Variants in ZNF668 observed in about 807,000 individuals in gnomAD.
ZNF668 encodes zinc finger protein 668.
In ZNF668, 10 loss-of-function variants were observed where a neutral mutation model predicts 40.3. That is an observed-to-expected ratio of 0.25 (90% CI 0.15 to 0.42). The LOEUF (loss-of-function observed/expected upper bound fraction) is 0.42, where lower values mean the gene tolerates loss of function less well. Among genes scored for constraint, ZNF668 ranks in the 10% least tolerant of loss-of-function variants. The pLI, the probability that ZNF668 is intolerant of heterozygous loss-of-function variation, is 1.00. For missense variants in ZNF668, 749 were observed against 904.6 expected (o/e 0.83, Z 2.21); for synonymous variants, 428 against 384.6 (o/e 1.11, Z -1.32).
chr16:31,063,555 CGCCCCCTTTCCA>C (rs2056952761), intron 2 of ZNF668, among the ~76,000 whole-genome samples: 1 of 152,196 alleles, frequency 6.6e-6, no homozygotes, highest in African/African-American at 2.4e-5. Flanking sequence ...CTCCAAACCC[CGCCCCCTTTCCA>C]GCTGGCCTAC....
Position 31,061,135 on chromosome 16 carries a change from A to G in ZNF668, c.1793T>C (p.Met598Thr), listed in dbSNP as rs755052925. 2 of 1,510,866 alleles carry G rather than the reference A, an allele frequency of 1.3e-6. No homozygotes were observed. The highest frequency in any genetic ancestry group is 2.3e-5 in the Admixed American group (1 of 42,862). The allele number at this position is 1,510,866 out of a possible 1,614,324, so 93.6% of individuals were successfully genotyped here. The stretch of plus-strand genomic sequence containing the variant: ...GGGCTCCAGGGGTGTGGGGGTCCCC[A>G]TGGGCACAGGGTGGGTGCGTTCATG... Reference protein sequence around the residue: ...RKHERTHPVPMGTPTPLEPLV... With the variant: ...RKHERTHPVPTGTPTPLEPLV... The change falls in exon 3 of 3, where the codon ATG becomes ACG. Residue 598 changes from methionine to threonine, a missense_variant. Met to Thr is a moderately conservative substitution (Grantham distance 81, BLOSUM62 -1). This residue lies in a region of ZNF668 where 310 missense variants were observed against 355.1 expected (regional missense o/e 0.87). Transcript: ENST00000300849. This position sits in a 1 kb window ranked among gnomAD's most constrained non-coding sequence, Gnocchi z 7.7.
intron 1 of ZNF668, among the ~76,000 whole-genome samples, chr16:31,072,025 C>A (rs2057018622): frequency 6.6e-6 from 1 of 152,160 alleles, no homozygotes; most frequent in African/African-American, 2.4e-5. Context: ...TGGCCCTGGT[C>A]CAGTAGGATT....
intron 1 of ZNF668, among the ~76,000 whole-genome samples, chr16:31,068,027 T>C (rs1012418227): frequency 1.3e-5 from 2 of 151,526 alleles, no homozygotes; most frequent in African/African-American, 4.9e-5. Flanking sequence ...CTCTGGCCCT[T>C]CTACTGCCTC....
At chr16:31,068,758 C>T (rs1350276907) in intron 1 of ZNF668, 2 of 151,740 alleles carry the variant, frequency 1.3e-5, no homozygotes, top group Non-Finnish European at 2.9e-5. Flanking sequence ...AGGCATGCAC[C>T]ATCATGCCTG....
chr16:31,065,969 T>C (rs568125041), intron 1 of ZNF668: 4 of 966,056 alleles, frequency 4.1e-6, no homozygotes, highest in African/African-American at 1.8e-5. Context: ...ACGAGGGTGC[T>C]AGGGGAAATA....
chr16:31,061,681 C>A lies in ZNF668; in HGVS notation c.1247G>T (p.Ser416Ile). 6.2e-7 allele frequency: 1 copy of A among 1,613,534 alleles called. No homozygotes were observed. Among genetic ancestry groups the A allele is most frequent in the Non-Finnish European group, 8.5e-7 (1 of 1,179,910 alleles). ...AGGGGGCACACCCGCGGCCTCACTG[C>A]TTCGATGGGTCCGCTCGTGCTTCCT... ...SLRKHERTHR[S>I]SEAAGVPPAQ... is the part of the protein sequence containing the mutation. Residue 416 changes from serine to isoleucine, a missense_variant, in exon 3 of 3, where the codon AGC (serine) becomes ATC (isoleucine). Ser to Ile is a moderately radical substitution (Grantham distance 142). Coordinates refer to ENST00000300849, the MANE Select transcript of ZNF668 (RefSeq NM_024706.5). This position sits in a 1 kb window ranked among gnomAD's most constrained non-coding sequence, Gnocchi z 7.7.
At chr16:31,063,702 C>T in intron 2 of ZNF668, 111 bp downstream of exon 2, 3 of 1,252,862 alleles carry the variant, frequency 2.4e-6, no homozygotes. Context: ...TCTGCCATGC[C>T]CACCTTCCCA....
Position 31,063,992 on chromosome 16 carries a change from C to T in ZNF668, c.468G>A (p.Lys156=). 6.2e-7 allele frequency: 1 copy of T among 1,610,612 alleles called. No homozygotes were observed. Among genetic ancestry groups the T allele is most frequent in the African/African-American group, 1.3e-5 (1 of 75,022 alleles). Residue 156 remains lysine (K), a synonymous_variant, in exon 2 of 3, where the codon AAG becomes AAA. Coordinates refer to ENST00000300849, the MANE Select transcript of ZNF668 (RefSeq NM_024706.5). The part of the protein sequence containing the change: ...PKAYGALSKL[K]IHQRGHTGER... ...CGCCTGTGTGGCCACGCTGGTGGAT[C>T]TTGAGCTTGGAGAGCGCGCCATAGG...
At chr16:31,066,064 C>T (rs540092193) in intron 1 of ZNF668, 31 of 985,368 alleles carry the variant, frequency 3.1e-5, no homozygotes, top group South Asian at 1.4e-4. Context: ...GAGCCCCTGA[C>T]GCGTGGCAAG....
intron 1 of ZNF668, among the ~76,000 whole-genome samples, chr16:31,071,993 G>C (rs1297602939): frequency 1.3e-5 from 2 of 152,124 alleles, no homozygotes; most frequent in Non-Finnish European, 2.9e-5. Flanking sequence ...AGTAATTAAG[G>C]CTGAATGACG....
At chr16:31,066,031 T>C (rs2056979489) in intron 1 of ZNF668, 1 of 985,368 alleles carries the variant, frequency 1.0e-6, no homozygotes, top group East Asian at 1.1e-4. Flanking sequence ...GCAGCTTACC[T>C]GGTTGACCCA....
chr16:31,061,881 C>T lies in ZNF668; in HGVS notation c.1047G>A (p.Trp349Ter). ...LQCDKTFVAS[W>*]DLKRHALVHS... ...GCACCAGCGCGTGCCGCTTGAGGTC[C>T]CAGGACGCCACGAACGTCTTGTCAC... The change falls in exon 3 of 3, where the codon TGG (tryptophan) becomes TGA (stop). Residue 349 changes from tryptophan (W) to a stop codon, truncating the protein, a stop_gained. Coordinates refer to ENST00000300849, the MANE Select transcript of ZNF668 (RefSeq NM_024706.5). LOFTEE classifies it high-confidence loss of function. This position sits in a 1 kb window ranked among gnomAD's most constrained non-coding sequence, Gnocchi z 7.7. 1 of 1,612,928 alleles carries T rather than the reference C, an allele frequency of 6.2e-7. No homozygotes were observed. Among genetic ancestry groups the T allele is most frequent in the African/African-American group, 1.3e-5 (1 of 75,038 alleles).
chr16:31,067,635 C>T (rs2056987935), intron 1 of ZNF668, among the ~76,000 whole-genome samples: 1 of 152,170 alleles, frequency 6.6e-6, no homozygotes, highest in Non-Finnish European at 1.5e-5. Flanking sequence ...TTCTTAGAGC[C>T]AGACACATTG....
rs2056956315 is a variant in ZNF668, at chr16:31,063,805, A to ACCCTCACC, written c.647_647+7dup. The ACCCTCACC allele has an allele frequency of 6.4e-7, 1 of 1,552,182 alleles. No individual in the cohort carries two copies. The highest frequency in any genetic ancestry group is 8.7e-7 in the Non-Finnish European group (1 of 1,145,160). ...CGGAAGGCGCCCTGCCCCGGAAGGC[A>ACCCTCACC]CCCTCACCGCTCATGGTTGCGGAGG... On this transcript the variant is annotated splice_region_variant and intron_variant, in intron 2 of 2. Coordinates refer to ENST00000300849, the MANE Select transcript of ZNF668 (RefSeq NM_024706.5).
intron 1 of ZNF668, among the ~76,000 whole-genome samples, chr16:31,069,575 CCT>C (rs139184262): frequency 0.16 from 24,819 of 151,870 alleles, 2,506 homozygotes; most frequent in Non-Finnish European, 0.23. Context: ...CAAATTTTTT[CCT>C]TTTTTAACCA....
rs777728754 is a variant in ZNF668, at chr16:31,061,262, G to A, written c.1666C>T (p.Arg556Trp). 1.9e-6 allele frequency: 3 copies of A among 1,550,180 alleles called. No individual in the cohort carries two copies. Among genetic ancestry groups the A allele is most frequent in the East Asian group, 2.3e-5 (1 of 44,434 alleles). Residue 556 changes from arginine (R) to tryptophan (W), a missense_variant, in exon 3 of 3, where the codon CGG (arginine) becomes TGG (tryptophan). Physicochemically the swap from Arg to Trp is moderately radical, Grantham distance 101. Coordinates refer to ENST00000300849, the MANE Select transcript of ZNF668 (RefSeq NM_024706.5). The surrounding 1 kb of genome is among the most constrained non-coding windows in gnomAD (Gnocchi z 7.7). ...CGGCTGTGTTTGCGCAGCCCAGCCC[G>A]GTCAGAGAAGCTCTTGCCGCACTGG... ...CTQCGKSFSDRAGLRKHSRTH... is the reference protein window; with the variant it reads ...CTQCGKSFSDWAGLRKHSRTH...
rs2056960108 is a variant in ZNF668 at position 31,064,058 on chromosome 16, G to A, written c.402C>T (p.His134=). The change falls in exon 2 of 3, where the codon CAC becomes CAT. Residue 134 remains histidine, a synonymous_variant. Transcript: ENST00000300849. ...PVCLRVHLAS[H]AGELPFRCAH... ...CACAGCGGAAGGGCAGTTCGCCAGC[G>A]TGCGAGGCCAGGTGCACGCGCAGGC... 3 of 1,604,318 alleles carry A rather than the reference G, an allele frequency of 1.9e-6. No homozygotes were observed. The highest frequency in any genetic ancestry group is 2.6e-6 in the Non-Finnish European group (3 of 1,174,466).
At chr16:31,066,066 C>T (rs144006020) in intron 1 of ZNF668, 233 of 985,356 alleles carry the variant, frequency 2.4e-4, no homozygotes, top group Non-Finnish European at 2.7e-4. Flanking sequence ...GCCCCTGACG[C>T]GTGGCAAGGG....
intron 1 of ZNF668, chr16:31,065,113 G>C: frequency 9.9e-7 from 1 of 1,012,706 alleles, no homozygotes; most frequent in Non-Finnish European, 1.2e-6. Flanking sequence ...CTGGAATCTT[G>C]TTGGCCTGTT....
Sources: gnomAD v4.1 joint callset for allele counts (sites outside exome capture counted in the v4.1 genomes callset) on GRCh38, gnomAD v4.1.1 for gene constraint, gnomAD v4.1.1 regional missense constraint, Gnocchi (gnomAD v3.1) non-coding constraint, MANE v1.5 for transcripts, NCBI Gene and HGNC (gene_info 2026-07-23, HGNC 2026-07-21) for gene names.